Variants in RCAN1 observed in about 807,000 individuals in gnomAD.
RCAN1 encodes regulator of calcineurin 1, also known as calcipressin-1.
A neutral mutation model predicts 22.9 loss-of-function variants in RCAN1; 11 were observed. The observed-to-expected ratio is 0.48, with a 90% CI of 0.30 to 0.79. RCAN1 has a LOEUF of 0.79. Ranked by LOEUF, RCAN1 falls within the 30% of genes least tolerant of loss-of-function variation. The pLI, the probability that RCAN1 is intolerant of heterozygous loss-of-function variation, is 0.06. For synonymous variants in RCAN1, 136 were observed against 142.3 expected (o/e 0.96, Z 0.32); for missense variants, 291 against 337.8 (o/e 0.86, Z 1.09).
intron 1 of RCAN1, among the ~76,000 whole-genome samples, chr21:34,593,901 T>C (rs1386499259): frequency 3.3e-5 from 5 of 152,174 alleles, no homozygotes; most frequent in South Asian, 2.1e-4. Flanking sequence ...AGAAATTCTA[T>C]AATACGTGTA....
chr21:34,542,858 GC>G (rs1985977381), intron 1 of RCAN1, among the ~76,000 whole-genome samples: 1 of 152,172 alleles, frequency 6.6e-6, no homozygotes, highest in African/African-American at 2.4e-5. Context: ...TGTAGGGTCT[GC>G]CTTTTACTTG....
At chr21:34,539,673 C>A (rs899257848) in intron 1 of RCAN1, among the ~76,000 whole-genome samples, 1 of 152,180 alleles carries the variant, frequency 6.6e-6, no homozygotes, top group Admixed American at 6.5e-5. Context: ...GAGAGAAAAT[C>A]GACTTTGCCT....
intron 1 of RCAN1, among the ~76,000 whole-genome samples, chr21:34,585,742 CA>C (rs59014706): frequency 0.12 from 5,564 of 45,736 alleles, 73 homozygotes; most frequent in African/African-American, 0.26. Context: ...GACTCCATCT[CA>C]AAAAAAAAAA....
chr21:34,534,751 C>T (rs1314066108), intron 1 of RCAN1, among the ~76,000 whole-genome samples: 2 of 152,190 alleles, frequency 1.3e-5, no homozygotes, highest in African/African-American at 4.8e-5. Flanking sequence ...TGACATTTCT[C>T]ACAGGCCTCA....
At position 34,614,399 on chromosome 21, in the gene RCAN1, C is replaced by T; in HGVS notation, c.252+361G>A. The T allele has an allele frequency of 1.0e-6, 1 of 997,370 alleles. No homozygotes were observed. The highest frequency in any genetic ancestry group is 1.2e-6 in the Non-Finnish European group (1 of 837,944). 61.8% of individuals were successfully genotyped at this position (997,370 alleles called of 1,614,324 possible). On this transcript the variant is annotated intron_variant, in intron 1 of 3. Transcript: ENST00000313806. This position sits in a 1 kb window ranked among gnomAD's most constrained non-coding sequence, Gnocchi z 6.0. ...TCCTCCTCCCTAGGAATGAGGTGAC[C>T]CCCTCCTCCAGCGAGTAAATGCGGG... is the stretch of plus-strand genomic sequence containing the variant.
rs531937541 is a variant in RCAN1, at chr21:34,525,102, G to A, written c.253-1392C>T. 8 of 1,550,602 alleles carry A rather than the reference G, an allele frequency of 5.2e-6. No homozygotes were observed. In the African/African-American group the frequency reaches 6.8e-5, roughly 13 times the overall value. ...TCACTGAGGACCTTGGAGAACCTAT[G>A]GAAGGCGCAGTGTCTCTGCAGTGGG... On this transcript the variant is annotated intron_variant, in intron 1 of 3. Coordinates refer to ENST00000313806, the MANE Select transcript of RCAN1 (RefSeq NM_004414.7).
intron 1 of RCAN1, among the ~76,000 whole-genome samples, chr21:34,551,139 A>T (rs1258826283): frequency 6.6e-6 from 1 of 152,250 alleles, no homozygotes; most frequent in Non-Finnish European, 1.5e-5. Context: ...CAAGGAAAAT[A>T]GTAGAAAGGC....
chr21:34,601,625 T>C (rs1215492925), intron 1 of RCAN1, among the ~76,000 whole-genome samples: 5 of 152,114 alleles, frequency 3.3e-5, no homozygotes, highest in African/African-American at 4.8e-5. Flanking sequence ...GAGATCATCT[T>C]GGCTAACACG....
chr21:34,555,571 C>CAAAA (rs10683737), intron 1 of RCAN1, among the ~76,000 whole-genome samples: 5,966 of 130,874 alleles, frequency 0.046, 453 homozygotes, highest in African/African-American at 0.16. Flanking sequence ...GGCTGTGTCT[C>CAAAA]AAAAAAAAAA....
chr21:34,529,138 G>A (rs891704189), intron 1 of RCAN1, among the ~76,000 whole-genome samples: 6 of 152,170 alleles, frequency 3.9e-5, no homozygotes, highest in African/African-American at 1.4e-4. Flanking sequence ...TAGATCAGGA[G>A]TAAGAGCCGG....
At chr21:34,519,439 C>T (rs1284198424) in intron 3 of RCAN1, among the ~76,000 whole-genome samples, 1 of 137,546 alleles carries the variant, frequency 7.3e-6, no homozygotes, top group Non-Finnish European at 1.5e-5. Flanking sequence ...TTGCCTGTTG[C>T]CCAGGCTGGA....
rs148439516 is a variant in RCAN1 at position 34,593,686 on chromosome 21, G to A, written c.252+21074C>T. Among the ~76,000 whole-genome samples the A allele has an allele frequency of 3.6e-3, 547 of 152,322 alleles. 3 individuals are homozygous for A. Among genetic ancestry groups the A allele is most frequent in the African/African-American group, 0.012 (514 of 41,582 alleles). ...AAGCTGGACCTCAAGGTGTTGGGAG[G>A]TCGGGCTGAGGCTGTGGCTGCTGGG... is the stretch of plus-strand genomic sequence containing the variant. On this transcript the variant is annotated intron_variant, in intron 1 of 3. Coordinates refer to ENST00000313806, the MANE Select transcript of RCAN1 (RefSeq NM_004414.7).
At chr21:34,521,732 A>G (rs866015403) in intron 2 of RCAN1, 74 bp from the exon 3 acceptor site, 1 of 1,272,346 alleles carries the variant, frequency 7.9e-7, no homozygotes, top group South Asian at 1.4e-5. Flanking sequence ...ACCTAACGCC[A>G]GTTCCGGGAG....
In RCAN1 at chr21:34,530,309, G is replaced by A. The variant is rs569572274; in HGVS notation, c.253-6599C>T. ...TCTGGCTCCAAACAGTTTCCATTAG[G>A]AAGTTTCCATTTTCAGTGAGGAAAA... On this transcript the variant is annotated intron_variant, in intron 1 of 3. Transcript: ENST00000313806. Among the ~76,000 whole-genome samples the A allele has an allele frequency of 3.3e-5, 5 of 152,288 alleles. No homozygotes were observed. The South Asian group carries it at 6.2e-4, about 19-fold the overall frequency.
chr21:34,569,490 T>C (rs1445885850), intron 1 of RCAN1, among the ~76,000 whole-genome samples: 3 of 152,186 alleles, frequency 2.0e-5, no homozygotes, highest in South Asian at 2.1e-4. Context: ...ATATCCTAGA[T>C]TAGAAACCCA....
In RCAN1 at chr21:34,614,386, G is replaced by A; in HGVS notation, c.252+374C>T. On this transcript the variant is annotated intron_variant, in intron 1 of 3. Transcript: ENST00000313806. This position sits in a 1 kb window ranked among gnomAD's most constrained non-coding sequence, Gnocchi z 6.0. ...CTCAATGTCTGTTTCCTCCTCCCTA[G>A]GAATGAGGTGACCCCCTCCTCCAGC... 1 of 994,434 alleles carries A rather than the reference G, an allele frequency of 1.0e-6. No individual in the cohort carries two copies. The highest frequency in any genetic ancestry group is 1.2e-6 in the Non-Finnish European group (1 of 836,038). 61.6% of individuals were successfully genotyped at this position (994,434 alleles called of 1,614,324 possible). A position where few individuals can be genotyped will look rare whatever the true frequency, so the allele number is the denominator to read the frequency against.
chr21:34,563,770 A>AAAAAATATATATATATAT (rs1555863394), intron 1 of RCAN1, among the ~76,000 whole-genome samples: 2 of 65,442 alleles, frequency 3.1e-5, no homozygotes, highest in African/African-American at 1.4e-4. Context: ...AAAAAAAAAA[A>AAAAAATATATATATATAT]ATATATATAT....
At chr21:34,568,547 C>T (rs1364243812) in intron 1 of RCAN1, among the ~76,000 whole-genome samples, 1 of 152,200 alleles carries the variant, frequency 6.6e-6, no homozygotes, top group Non-Finnish European at 1.5e-5. Context: ...CCTGTGTTTA[C>T]AGCAGAATGA....
intron 1 of RCAN1, 74 bp from the exon 2 acceptor site, chr21:34,523,784 CTTTT>C: frequency 9.9e-7 from 1 of 1,008,546 alleles, no homozygotes; most frequent in Non-Finnish European, 1.4e-6. Context: ...GATGTCATTA[CTTTT>C]TTTTTTTTCT....
Sources: allele counts gnomAD v4.1 joint callset (sites outside exome capture counted in the v4.1 genomes callset), GRCh38; gene constraint gnomAD v4.1.1; non-coding constraint Gnocchi (gnomAD v3.1); transcripts MANE v1.5; gene names NCBI Gene and HGNC (gene_info 2026-07-23, HGNC 2026-07-21).